The following ANO6 variants were observed in gnomAD, a reference collection of about 807,000 sequenced individuals.
The protein encoded by ANO6 is anoctamin 6, also known as anoctamin-6.
In ANO6, 106 loss-of-function variants were observed where a neutral mutation model predicts 117.5. The ratio of observed to expected loss-of-function variants is 0.90; its 90% CI spans 0.77 to 1.06. The LOEUF (loss-of-function observed/expected upper bound fraction) is 1.06, where lower values mean the gene tolerates loss of function less well. Ranked by LOEUF, ANO6 falls within the 50% of genes least tolerant of loss-of-function variation. The pLI, the probability that ANO6 is intolerant of heterozygous loss-of-function variation, is 0.00. For synonymous variants in ANO6, 367 were observed against 385.1 expected (o/e 0.95, Z 0.55); for missense variants, 955 against 1,121.1 (o/e 0.85, Z 2.12).
chr12:45,334,543 C>T (rs1940769695), intron 3 of ANO6, among the ~76,000 whole-genome samples: 1 of 151,972 alleles, frequency 6.6e-6, no homozygotes, highest in African/African-American at 2.4e-5. Flanking sequence ...TCTGGAAGGG[C>T]CCTTTGCAGA....
chr12:45,410,234 A>G (rs1464590162), intron 16 of ANO6, among the ~76,000 whole-genome samples: 1 of 152,174 alleles, frequency 6.6e-6, no homozygotes, highest in East Asian at 1.9e-4. Context: ...CGTGGCAGGA[A>G]TGGTCCCGGG....
intron 1 of ANO6, among the ~76,000 whole-genome samples, chr12:45,251,707 A>G (rs1040613945): frequency 6.6e-6 from 1 of 152,162 alleles, no homozygotes; most frequent in Non-Finnish European, 1.5e-5. Context: ...GCCTAGATTC[A>G]GGGGGAGGGG....
intron 3 of ANO6, among the ~76,000 whole-genome samples, chr12:45,346,246 G>A (rs193068512): frequency 6.6e-6 from 1 of 152,244 alleles, no homozygotes; most frequent in East Asian, 1.9e-4. Flanking sequence ...TCACAAAGCA[G>A]TATAAACTGT....
At chr12:45,440,179 C>A (rs976289520) in exon 20 of ANO6, 5 of 345,546 alleles carry the variant, frequency 1.4e-5, no homozygotes, top group Non-Finnish European at 2.6e-5. Flanking sequence ...GCTTTTCAAT[C>A]TGAAATGCCT....
Position 45,270,408 on chromosome 12 carries a change from A to G in ANO6, c.71-31606A>G, listed in dbSNP as rs886896920. On this transcript the variant is annotated intron_variant, in intron 1 of 19. Coordinates refer to ENST00000320560, the MANE Select transcript of ANO6 (RefSeq NM_001025356.3). The stretch of plus-strand genomic sequence containing the variant: ...CGCCTCCTGCTCTGTCTGCAGCCTA[A>G]CACCATCCCTTATATTGGCCTGTTG... 34 of 1,510,628 alleles carry G rather than the reference A, an allele frequency of 2.3e-5. 1 individual carries two copies. Among genetic ancestry groups the G allele is most frequent in the Middle Eastern group, 3.5e-4 (2 of 5,762 alleles). The allele number at this position is 1,510,628 out of a possible 1,614,324, so 93.6% of individuals were successfully genotyped here.
At chr12:45,359,293 A>G (rs1593010745) in intron 8 of ANO6, among the ~76,000 whole-genome samples, 1 of 152,110 alleles carries the variant, frequency 6.6e-6, no homozygotes, top group South Asian at 2.1e-4. Context: ...ATTCTTGTGA[A>G]TCTACTCAGT....
intron 2 of ANO6, among the ~76,000 whole-genome samples, chr12:45,306,050 A>G (rs909538910): frequency 1.3e-5 from 2 of 152,162 alleles, no homozygotes; most frequent in African/African-American, 4.8e-5. Flanking sequence ...GGTGTGGGAA[A>G]GGATTCTGAT....
At chr12:45,299,771 G>T (rs1939419566) in intron 1 of ANO6, among the ~76,000 whole-genome samples, 1 of 152,052 alleles carries the variant, frequency 6.6e-6, no homozygotes, top group Admixed American at 6.5e-5. Flanking sequence ...AGAATTGCTT[G>T]AACCCAGGAG....
At position 45,437,600 on chromosome 12, in the gene ANO6, C is replaced by T. The variant is rs180729544; in HGVS notation, c.2527-2075C>T. On this transcript the variant is annotated intron_variant, in intron 19 of 19. Transcript: ENST00000425752. ...ACTTTTTTTTTGAGAGACAGAGTCT[C>T]GCTCTGTCGCCCAGGCTGGAGAGCA... 2.8e-4 allele frequency among the ~76,000 whole-genome samples: 43 copies of T among 152,068 alleles called. 1 individual carries two copies. The East Asian group carries it at 7.6e-3, about 27-fold the overall frequency.
At chr12:45,317,109 A>ATGTGTGTG (rs1219061656) in intron 2 of ANO6, among the ~76,000 whole-genome samples, 14 of 39,938 alleles carry the variant, frequency 3.5e-4, no homozygotes, top group African/African-American at 7.3e-4. Flanking sequence ...GATTCTTTTT[A>ATGTGTGTG]TATGTATATA....
intron 2 of ANO6, 79 bp from the exon 3 acceptor site, chr12:45,331,216 A>T: frequency 7.6e-7 from 1 of 1,311,476 alleles, no homozygotes; most frequent in Non-Finnish European, 1.1e-6. Context: ...AAACCTATTA[A>T]AGCTTGAAAA....
At chr12:45,337,914 A>G (rs2137420525) in intron 3 of ANO6, among the ~76,000 whole-genome samples, 1 of 152,190 alleles carries the variant, frequency 6.6e-6, no homozygotes, top group Middle Eastern at 3.4e-3. Flanking sequence ...AAATAAATAT[A>G]AATGTTAGGA....
chr12:45,416,354 C>A (rs2137681972), intron 16 of ANO6, among the ~76,000 whole-genome samples: 1 of 151,960 alleles, frequency 6.6e-6, no homozygotes, highest in South Asian at 2.1e-4. Context: ...AACCACAAAT[C>A]TTCTTTCAAC....
At position 45,333,653 on chromosome 12, in the gene ANO6, T is replaced by G. The variant is rs933155330; in HGVS notation, c.279+2230T>G. Among the ~76,000 whole-genome samples the G allele has an allele frequency of 7.9e-5, 12 of 152,160 alleles. No individual in the cohort carries two copies. In the East Asian group the frequency reaches 2.3e-3, roughly 29 times the overall value. On this transcript the variant is annotated intron_variant, in intron 3 of 19. Coordinates refer to ENST00000320560, the MANE Select transcript of ANO6 (RefSeq NM_001025356.3). Reference sequence around the variant, plus strand: ...CTCATGGATTGATATACCTTGATGTTCATTTTTATAAGCTGTGCTTTGAAG... The same window carrying G: ...CTCATGGATTGATATACCTTGATGTGCATTTTTATAAGCTGTGCTTTGAAG...
chr12:45,388,024 A>G (rs1020591622), intron 10 of ANO6, 137 bp from the exon 11 acceptor site: 9 of 1,172,686 alleles, frequency 7.7e-6, no homozygotes, highest in African/African-American at 1.5e-5. Context: ...TCCTTTATGA[A>G]TTACCCAGTC....
intron 3 of ANO6, among the ~76,000 whole-genome samples, chr12:45,339,084 C>G (rs1253510944): frequency 6.6e-6 from 1 of 152,112 alleles, no homozygotes; most frequent in Non-Finnish European, 1.5e-5. Context: ...ATACCAAATT[C>G]TCTCATAAAA....
At chr12:45,318,094 A>G (rs1257692875) in intron 2 of ANO6, among the ~76,000 whole-genome samples, 8 of 152,094 alleles carry the variant, frequency 5.3e-5, no homozygotes, top group East Asian at 3.9e-4. Context: ...TCTGATGGTA[A>G]TTTCTTTTGC....
At chr12:45,270,511 C>A (rs1408529606) in intron 1 of ANO6, 3 of 1,249,378 alleles carry the variant, frequency 2.4e-6, no homozygotes, top group Non-Finnish European at 2.2e-6. Flanking sequence ...ATACTCACCT[C>A]CCATCCAGCC....
intron 2 of ANO6, among the ~76,000 whole-genome samples, chr12:45,306,180 G>A (rs964112730): frequency 2.0e-5 from 3 of 152,166 alleles, no homozygotes; most frequent in Admixed American, 6.5e-5. Flanking sequence ...TTTATGATCT[G>A]AGACTGACAT....
Sources: gnomAD v4.1 joint callset for allele counts (sites outside exome capture counted in the v4.1 genomes callset) on GRCh38, gnomAD v4.1.1 for gene constraint, MANE v1.5 for transcripts, NCBI Gene and HGNC (gene_info 2026-07-23, HGNC 2026-07-21) for gene names.